SLC2A13: variants seen among roughly 807,000 people sequenced by gnomAD.
SLC2A13 encodes proton myo-inositol cotransporter.
A neutral mutation model predicts 64.4 loss-of-function variants in SLC2A13; 32 were observed. The observed-to-expected ratio is 0.50, with a 90% CI of 0.37 to 0.67. The LOEUF is 0.67. Ranked by LOEUF, SLC2A13 falls within the 30% of genes least tolerant of loss-of-function variation. SLC2A13 has a pLI of 0.00. For synonymous variants in SLC2A13, 338 were observed against 327.1 expected, an observed-to-expected ratio of 1.03 and a Z score of -0.36; for missense variants, 743 against 829.2, an observed-to-expected ratio of 0.90 and a Z score of 1.28.
intron 4 of SLC2A13, among the ~76,000 whole-genome samples, chr12:39,902,909 T>C (rs2136021469): frequency 6.6e-6 from 1 of 152,212 alleles, no homozygotes. Context: ...CCTTATTGAG[T>C]TGCATCTTAT....
At chr12:39,970,193 G>A (rs1946618145) in intron 3 of SLC2A13, among the ~76,000 whole-genome samples, 1 of 152,270 alleles carries the variant, frequency 6.6e-6, no homozygotes, top group Non-Finnish European at 1.5e-5. Context: ...TGCTGTTTTG[G>A]TTACTGTAGC....
chr12:39,877,333 T>C (rs373661366), intron 4 of SLC2A13, among the ~76,000 whole-genome samples: 4 of 152,134 alleles, frequency 2.6e-5, no homozygotes, highest in East Asian at 1.9e-4. Context: ...GCAGGGGAAC[T>C]ACCCTTTACA....
intron 1 of SLC2A13, among the ~76,000 whole-genome samples, chr12:40,079,658 T>C (rs1414686870): frequency 1.3e-5 from 2 of 152,198 alleles, no homozygotes; most frequent in East Asian, 1.9e-4. Flanking sequence ...CTAGTATCTG[T>C]TTCTTTCCTG....
intron 7 of SLC2A13, among the ~76,000 whole-genome samples, chr12:39,817,180 A>G (rs1472727144): frequency 3.3e-5 from 5 of 152,244 alleles, no homozygotes; most frequent in Non-Finnish European, 7.3e-5. Flanking sequence ...TTCTTTGAAC[A>G]TCTCTCACAG....
At chr12:39,946,631 A>C (rs906144804) in intron 4 of SLC2A13, among the ~76,000 whole-genome samples, 2 of 152,112 alleles carry the variant, frequency 1.3e-5, no homozygotes, top group African/African-American at 2.4e-5. Flanking sequence ...GCAGATTGTC[A>C]GGGAAGTGGG....
chr12:39,938,192 A>G (rs1945949330), intron 4 of SLC2A13, among the ~76,000 whole-genome samples: 1 of 152,146 alleles, frequency 6.6e-6, no homozygotes, highest in South Asian at 2.1e-4. Context: ...TCAATCATAC[A>G]TGCTTTCTCA....
intron 2 of SLC2A13, among the ~76,000 whole-genome samples, chr12:40,030,711 GT>G (rs201166968): frequency 4.7e-4 from 71 of 151,346 alleles, no homozygotes; most frequent in Middle Eastern, 3.4e-3. Context: ...ATTTTTACAA[GT>G]TTTTTTTTAA....
intron 2 of SLC2A13, among the ~76,000 whole-genome samples, chr12:40,044,406 T>C (rs1341017202): frequency 1.3e-5 from 2 of 152,210 alleles, no homozygotes; most frequent in Non-Finnish European, 2.9e-5. Flanking sequence ...GATGGTTGCA[T>C]AGCTCTGTGA....
chr12:39,828,185 G>A (rs986776418), intron 7 of SLC2A13, among the ~76,000 whole-genome samples: 12 of 152,138 alleles, frequency 7.9e-5, no homozygotes, highest in African/African-American at 2.7e-4. Flanking sequence ...CAAGACTAAG[G>A]AGGTAACCAA....
At chr12:39,780,285 C>A (rs991452465) in intron 7 of SLC2A13, among the ~76,000 whole-genome samples, 21 of 152,182 alleles carry the variant, frequency 1.4e-4, no homozygotes, top group Non-Finnish European at 5.9e-5. Context: ...CTGTCTCTTT[C>A]TCCTTCAACA....
intron 7 of SLC2A13, 47 bp from the exon 8 acceptor site, chr12:39,764,905 A>G (rs1940292648): frequency 3.2e-6 from 5 of 1,584,234 alleles, no homozygotes; most frequent in African/African-American, 1.4e-5. Context: ...TTTTGACTAC[A>G]GTTGCAGAAA....
At chr12:39,841,569 CAT>C (rs2135874673) in intron 6 of SLC2A13, among the ~76,000 whole-genome samples, 1 of 152,122 alleles carries the variant, frequency 6.6e-6, no homozygotes, top group East Asian at 1.9e-4. Flanking sequence ...TATACATATA[CAT>C]ATGTGTATAT....
At chr12:40,011,659 C>T (rs957160625) in intron 3 of SLC2A13, among the ~76,000 whole-genome samples, 1 of 152,146 alleles carries the variant, frequency 6.6e-6, no homozygotes, top group Non-Finnish European at 1.5e-5. Context: ...CTCCCCGTCT[C>T]CTCCCTCTAG....
intron 4 of SLC2A13, among the ~76,000 whole-genome samples, chr12:39,914,891 C>T (rs889151000): frequency 5.3e-5 from 8 of 151,800 alleles, no homozygotes; most frequent in Non-Finnish European, 8.8e-5. Context: ...CAGTGAAAAG[C>T]AGAATTTATT....
rs1182431339 is a variant in SLC2A13 at position 39,895,545 on chromosome 12, T to C, written c.1035-23584A>G. On this transcript the variant is annotated intron_variant, in intron 4 of 9. Coordinates refer to ENST00000280871, the MANE Select transcript of SLC2A13 (RefSeq NM_052885.4). ...ATATATATATATATATATATATATA[T>C]ATATATACACACACACACACACGTG... 4.2e-3 allele frequency among the ~76,000 whole-genome samples: 339 copies of C among 80,596 alleles called. 43 individuals are homozygous for C. The highest frequency in any genetic ancestry group is 0.014 in the African/African-American group (321 of 22,982). 52.9% of individuals were successfully genotyped at this position (80,596 alleles called of 152,430 possible).
chr12:39,899,218 A>G (rs1179709191), intron 4 of SLC2A13, among the ~76,000 whole-genome samples: 1 of 152,088 alleles, frequency 6.6e-6, no homozygotes, highest in African/African-American at 2.4e-5. Context: ...GGGAGGGTGT[A>G]TGTGTCGAGG....
intron 3 of SLC2A13, among the ~76,000 whole-genome samples, chr12:40,009,757 A>T (rs1362737874): frequency 6.6e-6 from 1 of 152,210 alleles, no homozygotes; most frequent in Non-Finnish European, 1.5e-5. Flanking sequence ...AACAAGCTCA[A>T]GATAAGAGGC....
At chr12:39,887,604 A>C (rs1565520631) in intron 4 of SLC2A13, among the ~76,000 whole-genome samples, 2 of 152,220 alleles carry the variant, frequency 1.3e-5, no homozygotes, top group African/African-American at 2.4e-5. Flanking sequence ...TTTTTTAAGC[A>C]CCAGAGGGTA....
At chr12:39,829,978 A>C (rs573480985) in intron 7 of SLC2A13, 125 bp downstream of exon 7, 1 of 1,189,292 alleles carries the variant, frequency 8.4e-7, no homozygotes, top group South Asian at 1.3e-5. Context: ...TATATGCTGC[A>C]AAGTAATGTA....
Sources: allele counts gnomAD v4.1 joint callset (sites outside exome capture counted in the v4.1 genomes callset), GRCh38; gene constraint gnomAD v4.1.1; transcripts MANE v1.5; gene names NCBI Gene and HGNC (gene_info 2026-07-23, HGNC 2026-07-21).